The following AARS1 variants were observed in gnomAD, a reference collection of about 807,000 sequenced individuals.
AARS1 encodes alanyl-tRNA synthetase 1, also known as alanine--tRNA ligase, cytoplasmic.
Under a neutral mutation model 108.9 loss-of-function variants are expected in AARS1, and 72 were observed. The ratio of observed to expected loss-of-function variants is 0.66; its 90% confidence interval spans 0.55 to 0.80. AARS1 has a LOEUF of 0.80. AARS1 is among the 30% of genes least tolerant of loss of function. The probability of loss-of-function intolerance (pLI) is 0.00; values close to 1 mark genes in which losing one functional copy is unlikely to be tolerated. For missense variants in AARS1, 1,193 were observed against 1,233.2 expected (o/e 0.97, Z 0.49); for synonymous variants, 489 against 465.7 (o/e 1.05, Z -0.64).
Position 70,253,794 on chromosome 16 carries a change from C to T in AARS1, c.2527G>A (p.Glu843Lys). ...CTGTCGATGAACTGCTTCGTCTTCTCTAACACCTGCAAGAAAAAAGTCCAG... is the reference window on the plus strand; with the variant it reads ...CTGTCGATGAACTGCTTCGTCTTCTTTAACACCTGCAAGAAAAAAGTCCAG... ...SKADVQKRVL[E>K]KTKQFIDSNP... The change falls in exon 19 of 21, where the codon GAG becomes AAG. Residue 843 changes from glutamate (E) to lysine (K), a missense_variant. Transcript: ENST00000261772. The T allele has an allele frequency of 6.2e-7, 1 of 1,614,216 alleles. No individual in the cohort carries two copies. Among genetic ancestry groups the T allele is most frequent in the South Asian group, 1.1e-5 (1 of 91,078 alleles).
intron 2 of AARS1, 91 bp from the exon 3 acceptor site, chr16:70,277,245 CTG>C: frequency 3.1e-6 from 4 of 1,295,926 alleles, no homozygotes; most frequent in African/African-American, 1.5e-5. Flanking sequence ...CACACACTAA[CTG>C]TGCAGTTCAT....
intron 9 of AARS1, among the ~76,000 whole-genome samples, chr16:70,266,912 A>G (rs749900082): frequency 1.3e-5 from 2 of 151,894 alleles, no homozygotes; most frequent in Non-Finnish European, 2.9e-5. Context: ...TTTTGGCTCA[A>G]TGCAACCTCC....
At chr16:70,280,576 T>C (rs1270655203) in intron 2 of AARS1, among the ~76,000 whole-genome samples, 1 of 152,088 alleles carries the variant, frequency 6.6e-6, no homozygotes, top group Non-Finnish European at 1.5e-5. Context: ...TGTCAACTCA[T>C]CCCAGAGTGA....
chr16:70,255,582 A>G (rs1213854778), intron 16 of AARS1, 146 bp downstream of exon 16: 2 of 726,298 alleles, frequency 2.8e-6, no homozygotes, highest in East Asian at 2.7e-5. Flanking sequence ...ACTCAGGGGT[A>G]GGACACTGGG....
At chr16:70,254,125 C>T (rs1959919628) in intron 17 of AARS1, 87 bp from the exon 18 acceptor site, 2 of 1,567,064 alleles carry the variant, frequency 1.3e-6, no homozygotes, top group African/African-American at 1.3e-5. Context: ...CCCAAGTCCT[C>T]CCTGACTAGT....
intron 4 of AARS1, among the ~76,000 whole-genome samples, chr16:70,273,863 CAAAAA>C (rs71385651): frequency 0.013 from 721 of 54,224 alleles, 4 homozygotes; most frequent in Non-Finnish European, 0.016. Flanking sequence ...ACTCCGTCTC[CAAAAA>C]AAAAAAAAAA....
rs544374442 is a variant in AARS1 at position 70,253,593 on chromosome 16, C to T, written c.2607+121G>A. Reference sequence around the variant, plus strand: ...ACATGCAGGGAGCTGCTGCTCCTCCCAATCTCAATCCCAGACCGTGGGCCC... The same window carrying T: ...ACATGCAGGGAGCTGCTGCTCCTCCTAATCTCAATCCCAGACCGTGGGCCC... On this transcript the variant is annotated intron_variant, in intron 19 of 20. Coordinates refer to ENST00000261772, the MANE Select transcript of AARS1 (RefSeq NM_001605.3). 3 of 1,243,566 alleles carry T rather than the reference C, an allele frequency of 2.4e-6. No individual in the cohort carries two copies. In the East Asian group the frequency reaches 7.1e-5, roughly 29 times the overall value. 77.0% of individuals were successfully genotyped at this position (1,243,566 alleles called of 1,614,324 possible). A position where few individuals can be genotyped will look rare whatever the true frequency, so the allele number is the denominator to read the frequency against.
At chr16:70,277,452 G>C (rs1416264365) in intron 2 of AARS1, among the ~76,000 whole-genome samples, 1 of 152,062 alleles carries the variant, frequency 6.6e-6, no homozygotes, top group Non-Finnish European at 1.5e-5. Flanking sequence ...GTAAAACGTG[G>C]GCTTCTTCAC....
intron 15 of AARS1, among the ~76,000 whole-genome samples, chr16:70,257,347 A>G (rs987936234): frequency 2.6e-5 from 4 of 152,116 alleles, no homozygotes; most frequent in African/African-American, 9.7e-5. Context: ...GCCAGGAGGT[A>G]GAGGTTGCAA....
chr16:70,257,951 A>C, intron 15 of AARS1, 82 bp downstream of exon 15: 1 of 1,496,562 alleles, frequency 6.7e-7, no homozygotes, highest in Non-Finnish European at 9.3e-7. Context: ...TTAGACAGAC[A>C]AGAGTTGGTC....
intron 12 of AARS1, chr16:70,261,450 T>C: frequency 3.1e-6 from 1 of 327,076 alleles, no homozygotes; most frequent in Non-Finnish European, 6.0e-6. Flanking sequence ...ATACAAAAAT[T>C]AGCCAGGCGT....
chr16:70,288,373 T>A (rs1960918025), intron 1 of AARS1, among the ~76,000 whole-genome samples: 1 of 151,508 alleles, frequency 6.6e-6, no homozygotes, highest in Non-Finnish European at 1.5e-5. Context: ...CCTCCCCAAG[T>A]GCTGGGATTA....
At chr16:70,267,831 G>C in intron 8 of AARS1, 22 bp from the exon 9 acceptor site, 1 of 1,614,142 alleles carries the variant, frequency 6.2e-7, no homozygotes, top group Middle Eastern at 1.7e-4. Context: ...GAAGCAAGAT[G>C]AGGGGCTGGA....
rs1130535 is a variant in AARS1 at position 70,267,806 on chromosome 16, C to T, written c.1075G>A (p.Asp359Asn). 16 of 1,614,076 alleles carry T rather than the reference C, an allele frequency of 9.9e-6. No homozygotes were observed. Among genetic ancestry groups the T allele is most frequent in the African/African-American group, 1.3e-5 (1 of 74,928 alleles). Residue 359 changes from aspartate to asparagine, a missense_variant, in exon 9 of 21, where the codon GAT (aspartate) becomes AAT (asparagine). Coordinates refer to ENST00000261772, the MANE Select transcript of AARS1 (RefSeq NM_001605.3). ...LVDVVVQSLG[D>N]AFPELKKDPD... ...TCCTTCTTCAGCTCAGGAAATGCAT[C>T]TCCCTGACAAAGGGGAAGCAAGATG...
intron 15 of AARS1, among the ~76,000 whole-genome samples, chr16:70,257,337 G>A (rs1340747806): frequency 2.0e-5 from 3 of 152,054 alleles, no homozygotes; most frequent in East Asian, 3.8e-4. Context: ...GAGAATCGAA[G>A]CCAGGAGGTA....
At chr16:70,265,731 G>C (rs1960246123) in intron 9 of AARS1, 69 bp from the exon 10 acceptor site, 1 of 1,597,198 alleles carries the variant, frequency 6.3e-7, no homozygotes. Flanking sequence ...CCCTCCAAAA[G>C]GATGCTGGGA....
intron 9 of AARS1, among the ~76,000 whole-genome samples, chr16:70,267,238 G>A (rs1215016454): frequency 1.3e-5 from 2 of 152,124 alleles, no homozygotes; most frequent in African/African-American, 2.4e-5. Context: ...GGAAACTGGG[G>A]AGAAAATCTT....
rs189802321 is a variant in AARS1 at position 70,271,512 on chromosome 16, G to C, written c.671+269C>G. Among the ~76,000 whole-genome samples the C allele has an allele frequency of 3.7e-3, 551 of 150,592 alleles. 2 individuals carry two copies. The highest frequency in any genetic ancestry group is 0.012 in the African/African-American group (494 of 40,958). ...CATTGCACTCCAGCCTGGGTAACAAGAGGAAAACTCTGTCTCAAAAAAACA... is the reference window on the plus strand; with the variant it reads ...CATTGCACTCCAGCCTGGGTAACAACAGGAAAACTCTGTCTCAAAAAAACA... On this transcript the variant is annotated intron_variant, in intron 5 of 20. Transcript: ENST00000261772.
At chr16:70,276,665 T>A in intron 3 of AARS1, 34 bp from the exon 4 acceptor site, 1 of 1,611,858 alleles carries the variant, frequency 6.2e-7, no homozygotes, top group Non-Finnish European at 8.5e-7. Flanking sequence ...ATATGGAACA[T>A]TGCCAAACCA....
Sources: gnomAD v4.1 joint callset for allele counts (sites outside exome capture counted in the v4.1 genomes callset) on GRCh38, gnomAD v4.1.1 for gene constraint, MANE v1.5 for transcripts, NCBI Gene and HGNC (gene_info 2026-07-23, HGNC 2026-07-21) for gene names.